The following INPP4B variants were observed in gnomAD, a reference collection of about 807,000 sequenced individuals.
INPP4B encodes the protein inositol polyphosphate-4-phosphatase type II B, also known as inositol polyphosphate 4-phosphatase type II.
Under a neutral mutation model 122.5 loss-of-function variants are expected in INPP4B, and 55 were observed. That is an observed-to-expected ratio of 0.45 (90% CI 0.36 to 0.56). The LOEUF (loss-of-function observed/expected upper bound fraction) is 0.56, where lower values mean the gene tolerates loss of function less well. INPP4B is among the 20% of genes least tolerant of loss of function. The probability of loss-of-function intolerance (pLI) is 0.00; values close to 1 mark genes in which losing one functional copy is unlikely to be tolerated. For missense variants in INPP4B, 1,000 were observed against 1,097.7 expected (o/e 0.91, Z 1.26); for synonymous variants, 403 against 388.7 (o/e 1.04, Z -0.43).
At chr4:142,209,149 TGAG>T (rs1561489465) in intron 12 of INPP4B, 123 bp from the exon 13 acceptor site, 1 of 571,408 alleles carries the variant, frequency 1.8e-6, no homozygotes. Flanking sequence ...GAAAGTTCTA[TGAG>T]CTTATTAGCT....
intron 1 of INPP4B, among the ~76,000 whole-genome samples, chr4:142,831,752 C>T (rs1334564765): frequency 1.3e-5 from 2 of 152,176 alleles, no homozygotes; most frequent in African/African-American, 4.8e-5. Context: ...CTGCAATGTT[C>T]ATGCAATGTT....
At chr4:142,087,482 A>G (rs1419837159) in intron 23 of INPP4B, among the ~76,000 whole-genome samples, 2 of 152,210 alleles carry the variant, frequency 1.3e-5, no homozygotes, top group Non-Finnish European at 2.9e-5. Flanking sequence ...AAACAAAAAG[A>G]CTGTCTAAGT....
intron 2 of INPP4B, among the ~76,000 whole-genome samples, chr4:142,634,396 T>C (rs962574661): frequency 6.6e-6 from 1 of 152,282 alleles, no homozygotes; most frequent in Admixed American, 6.5e-5. Flanking sequence ...GAAATGACAG[T>C]CTAATTTCAT....
At chr4:142,810,908 T>C (rs1444406238) in intron 1 of INPP4B, among the ~76,000 whole-genome samples, 2 of 152,224 alleles carry the variant, frequency 1.3e-5, no homozygotes, top group Non-Finnish European at 2.9e-5. Context: ...AAAAAATACA[T>C]TGGTTTAGAA....
intron 2 of INPP4B, among the ~76,000 whole-genome samples, chr4:142,591,506 A>C (rs138752691): frequency 6.6e-6 from 1 of 152,316 alleles, no homozygotes; most frequent in East Asian, 1.9e-4. Context: ...TCTTCAGTAC[A>C]CAAGAATTCC....
chr4:142,061,879 CACACACATATATATATAT>C (rs1172804099), intron 25 of INPP4B, among the ~76,000 whole-genome samples: 28 of 8,330 alleles, frequency 3.4e-3, no homozygotes, highest in African/African-American at 4.7e-3. Flanking sequence ...CACACACACA[CACACACATATATATATAT>C]ATATATATAT....
chr4:142,191,752 T>A (rs1835925967), intron 15 of INPP4B, among the ~76,000 whole-genome samples: 1 of 152,064 alleles, frequency 6.6e-6, no homozygotes. Context: ...AATCTACCCA[T>A]GCAATATAAT....
chr4:142,310,526 A>C (rs2151269273), intron 8 of INPP4B, among the ~76,000 whole-genome samples: 1 of 152,290 alleles, frequency 6.6e-6, no homozygotes, highest in South Asian at 2.1e-4. Context: ...GAATATATCA[A>C]TAATATTTTG....
chr4:142,701,506 CAA>C (rs111658023), intron 2 of INPP4B, among the ~76,000 whole-genome samples: 40 of 103,028 alleles, frequency 3.9e-4, no homozygotes, highest in Admixed American at 5.2e-4. Context: ...ACCGAGCAGC[CAA>C]AAAAAAAAAA....
At chr4:142,401,242 T>C (rs1801484613) in intron 7 of INPP4B, among the ~76,000 whole-genome samples, 1 of 151,956 alleles carries the variant, frequency 6.6e-6, no homozygotes, top group African/African-American at 2.4e-5. Flanking sequence ...CTTCTCTCTC[T>C]CCTCTGGCAA....
At chr4:142,814,738 A>G (rs750630979) in intron 1 of INPP4B, among the ~76,000 whole-genome samples, 5 of 152,178 alleles carry the variant, frequency 3.3e-5, no homozygotes, top group Non-Finnish European at 1.5e-5. Flanking sequence ...ATAAATATCC[A>G]TGAGTCCATA....
chr4:142,147,129 A>G (rs184963615), intron 17 of INPP4B, among the ~76,000 whole-genome samples: 8 of 152,266 alleles, frequency 5.3e-5, no homozygotes, highest in African/African-American at 1.9e-4. Flanking sequence ...ATCACACCAC[A>G]GAACAACCTT....
intron 2 of INPP4B, among the ~76,000 whole-genome samples, chr4:142,503,656 A>G (rs951459765): frequency 6.6e-6 from 1 of 152,122 alleles, no homozygotes; most frequent in Non-Finnish European, 1.5e-5. Context: ...GAATAATATA[A>G]TCTGGGATTT....
chr4:142,480,281 T>C (rs1285654562), intron 2 of INPP4B, among the ~76,000 whole-genome samples: 12 of 152,222 alleles, frequency 7.9e-5, no homozygotes, highest in Non-Finnish European at 8.8e-5. Context: ...CTTAGGTTTA[T>C]GTTATCAATT....
chr4:142,310,285 A>G lies in INPP4B; in HGVS notation c.423+4427T>C, dbSNP rs547541333. On this transcript the variant is annotated intron_variant, in intron 8 of 25. Coordinates refer to ENST00000262992, the MANE Select transcript of INPP4B (RefSeq NM_001101669.3). ...TCAGTATAAAATGCACACTGAATTT[A>G]GAATGCTTAGTATGAAAAAAGAAAT... 4.6e-5 allele frequency among the ~76,000 whole-genome samples: 7 copies of G among 152,346 alleles called. No homozygotes were observed. The South Asian group carries it at 1.4e-3, about 32-fold the overall frequency.
chr4:142,147,137 C>T (rs1320189660), intron 17 of INPP4B, among the ~76,000 whole-genome samples: 2 of 152,124 alleles, frequency 1.3e-5, no homozygotes, highest in Non-Finnish European at 2.9e-5. Flanking sequence ...ACAGAACAAC[C>T]TTTCAGTGGG....
chr4:142,639,124 T>C (rs550248179), intron 2 of INPP4B, among the ~76,000 whole-genome samples: 2 of 152,332 alleles, frequency 1.3e-5, no homozygotes, highest in East Asian at 3.9e-4. Context: ...CGTGGGATCA[T>C]GCCACTTGGT....
At chr4:142,324,006 T>G (rs1219009072) in intron 7 of INPP4B, among the ~76,000 whole-genome samples, 2 of 152,102 alleles carry the variant, frequency 1.3e-5, no homozygotes, top group Non-Finnish European at 2.9e-5. Flanking sequence ...ACGTAATTAT[T>G]TGAGATAGGG....
At position 142,023,477 on chromosome 4, in the gene INPP4B, G is replaced by A. The variant is rs1463660654; in HGVS notation, c.*5305C>T. 1 of 152,190 alleles carries A rather than the reference G, an allele frequency of 6.6e-6. No homozygotes were observed. Among genetic ancestry groups the A allele is most frequent in the East Asian group, 1.9e-4 (1 of 5,198 alleles). 9.4% of individuals were successfully genotyped at this position (152,190 alleles called of 1,614,324 possible). On this transcript the variant is annotated 3_prime_UTR_variant, in exon 26 of 26. Coordinates refer to ENST00000262992, the MANE Select transcript of INPP4B (RefSeq NM_001101669.3). ...AAGTATTGTATGTATGCAGTGAAAT[G>A]AGAGTGCCCATACAGTTATATGCAA... is the stretch of plus-strand genomic sequence containing the variant.
Sources: allele counts gnomAD v4.1 joint callset (sites outside exome capture counted in the v4.1 genomes callset), GRCh38; gene constraint gnomAD v4.1.1; transcripts MANE v1.5; gene names NCBI Gene and HGNC (gene_info 2026-07-23, HGNC 2026-07-21).